Variants in CREM observed in about 807,000 individuals in gnomAD.
CREM encodes cAMP-responsive element modulator.
A neutral mutation model predicts 37.3 loss-of-function variants in CREM; 13 were observed. The ratio of observed to expected loss-of-function variants is 0.35; its 90% CI spans 0.23 to 0.55. The LOEUF is 0.55. CREM is among the 20% of genes least tolerant of loss of function. CREM has a pLI of 0.88. For missense variants in CREM, 296 were observed against 362.3 expected, an observed-to-expected ratio of 0.82 and a Z score of 1.49; for synonymous variants, 124 against 120.2, an observed-to-expected ratio of 1.03 and a Z score of -0.21.
At chr10:35,157,463 C>T (rs1437290871) in intron 3 of CREM, among the ~76,000 whole-genome samples, 1 of 152,012 alleles carries the variant, frequency 6.6e-6, no homozygotes, top group Non-Finnish European at 1.5e-5. Context: ...GAAAGCCTGT[C>T]TCTACCAGAA....
At chr10:35,165,729 A>T (rs1167968471) in intron 3 of CREM, among the ~76,000 whole-genome samples, 2 of 151,534 alleles carry the variant, frequency 1.3e-5, no homozygotes, top group African/African-American at 4.8e-5. Context: ...TATTATAATA[A>T]GTGAAACATA....
intron 6 of CREM, among the ~76,000 whole-genome samples, chr10:35,190,494 C>T (rs1021786722): frequency 6.6e-6 from 1 of 152,124 alleles, no homozygotes; most frequent in Non-Finnish European, 1.5e-5. Context: ...TGAATCCCAG[C>T]GCCATACATG....
intron 3 of CREM, among the ~76,000 whole-genome samples, chr10:35,178,473 G>A (rs1211578242): frequency 2.6e-5 from 4 of 152,230 alleles, no homozygotes; most frequent in Non-Finnish European, 5.9e-5. Flanking sequence ...CTGTGAGAGT[G>A]TGGGAACAGC....
intron 5 of CREM, among the ~76,000 whole-genome samples, chr10:35,183,082 C>T (rs924388721): frequency 5.9e-5 from 9 of 152,148 alleles, no homozygotes; most frequent in Non-Finnish European, 1.3e-4. Context: ...TATACCCAAC[C>T]TCTTCCTGTA....
At chr10:35,197,113 A>G (rs543211811) in intron 6 of CREM, among the ~76,000 whole-genome samples, 1 of 151,914 alleles carries the variant, frequency 6.6e-6, no homozygotes, top group African/African-American at 2.4e-5. Context: ...CTCCTTGGCA[A>G]TGCTGTATAC....
At chr10:35,166,869 C>T (rs1483262147) in intron 3 of CREM, among the ~76,000 whole-genome samples, 2 of 152,032 alleles carry the variant, frequency 1.3e-5, no homozygotes, top group Non-Finnish European at 2.9e-5. Flanking sequence ...GGGCCGGGCA[C>T]GGTGGCTCAC....
At chr10:35,167,816 T>C in intron 3 of CREM, 1 of 1,607,718 alleles carries the variant, frequency 6.2e-7, no homozygotes, top group Non-Finnish European at 8.5e-7. Context: ...AAATGATGTC[T>C]GCTATAAGTA....
intron 6 of CREM, 23 bp downstream of exon 6, chr10:35,188,411 A>T (rs776793209): frequency 4.4e-6 from 7 of 1,577,604 alleles, no homozygotes; most frequent in Non-Finnish European, 6.0e-6. Context: ...AATCTAATAC[A>T]TTTAGAATAC....
chr10:35,158,798 G>GTGTTTTTT (rs2093078412), intron 3 of CREM, among the ~76,000 whole-genome samples: 3 of 100,840 alleles, frequency 3.0e-5, no homozygotes, highest in African/African-American at 1.1e-4. Context: ...CAAATATAGT[G>GTGTTTTTT]TTTTTTTTTT....
chr10:35,211,377 T>A lies in CREM; in HGVS notation c.879T>A (p.Leu293=), dbSNP rs1275788651. Residue 293 remains leucine (L), a synonymous_variant, in exon 8 of 8, where the codon CTT becomes CTA. Transcript: ENST00000685392. ...LIEELKALKD[L]YCHKVE Reference sequence around the variant, plus strand: ...AGGAACTCAAGGCCCTCAAAGATCTTTATTGCCATAAAGTAGAGTAACTGT... The same window carrying A: ...AGGAACTCAAGGCCCTCAAAGATCTATATTGCCATAAAGTAGAGTAACTGT... 1.2e-6 allele frequency: 2 copies of A among 1,613,874 alleles called. No individual in the cohort carries two copies. The highest frequency in any genetic ancestry group is 2.7e-5 in the African/African-American group (2 of 74,918).
chr10:35,187,859 A>G (rs995911194), intron 5 of CREM, among the ~76,000 whole-genome samples: 4 of 152,172 alleles, frequency 2.6e-5, no homozygotes, highest in Non-Finnish European at 4.4e-5. Context: ...AAAACATCTG[A>G]GAGAATGGAG....
chr10:35,162,553 T>G (rs1044213453), intron 3 of CREM, among the ~76,000 whole-genome samples: 8 of 152,176 alleles, frequency 5.3e-5, no homozygotes, highest in African/African-American at 1.9e-4. Flanking sequence ...CAATTCAAAA[T>G]GTAAAGTAAG....
At position 35,171,839 on chromosome 10, in the gene CREM, A is replaced by G. The variant is rs572920894; in HGVS notation, c.169-7050A>G. Among the ~76,000 whole-genome samples, 69 of 152,348 alleles carry G rather than the reference A, an allele frequency of 4.5e-4. No homozygotes were observed. The Middle Eastern group carries it at 0.017, about 38-fold the overall frequency. On this transcript the variant is annotated intron_variant, in intron 3 of 7. Coordinates refer to ENST00000685392, the MANE Select transcript of CREM (RefSeq NM_183011.2). Reference sequence around the variant, plus strand: ...GGGAGCTCCTTAATTCTAAAAAGAAAATTATTTTGATTTGAGAAAATGTAA... The same window carrying G: ...GGGAGCTCCTTAATTCTAAAAAGAAGATTATTTTGATTTGAGAAAATGTAA...
intron 2 of CREM, among the ~76,000 whole-genome samples, chr10:35,139,733 T>C (rs2091172238): frequency 6.6e-6 from 1 of 152,230 alleles, no homozygotes; most frequent in Non-Finnish European, 1.5e-5. Flanking sequence ...TGGGAAAATA[T>C]GTTCTATGAG....
chr10:35,128,077 T>C (rs942700025), intron 1 of CREM, among the ~76,000 whole-genome samples: 5 of 152,140 alleles, frequency 3.3e-5, no homozygotes, highest in Non-Finnish European at 2.9e-5. Context: ...ACTCCTGACC[T>C]TCCACCCACC....
At chr10:35,167,055 T>TG (rs1423472562) in intron 3 of CREM, among the ~76,000 whole-genome samples, 1 of 152,002 alleles carries the variant, frequency 6.6e-6, no homozygotes, top group Non-Finnish European at 1.5e-5. Flanking sequence ...GCAGGAGAAT[T>TG]GCTTGAACCC....
chr10:35,183,645 T>C (rs2094442714), intron 5 of CREM, among the ~76,000 whole-genome samples: 1 of 152,278 alleles, frequency 6.6e-6, no homozygotes, highest in South Asian at 2.1e-4. Flanking sequence ...TGTTTGCTGC[T>C]GTTTTTAAAG....
At chr10:35,189,005 C>A (rs957174855) in intron 6 of CREM, among the ~76,000 whole-genome samples, 18 of 152,100 alleles carry the variant, frequency 1.2e-4, no homozygotes, top group African/African-American at 4.3e-4. Flanking sequence ...AATTAGATAT[C>A]CTTCATTTGG....
chr10:35,198,004 C>T (rs550540499), intron 6 of CREM, among the ~76,000 whole-genome samples: 8 of 152,270 alleles, frequency 5.3e-5, no homozygotes, highest in East Asian at 1.9e-4. Context: ...AAGTTTCAGA[C>T]ATAATTCTTA....
Sources: gnomAD v4.1 joint callset for allele counts (sites outside exome capture counted in the v4.1 genomes callset) on GRCh38, gnomAD v4.1.1 for gene constraint, MANE v1.5 for transcripts, NCBI Gene and HGNC (gene_info 2026-07-23, HGNC 2026-07-21) for gene names.